Variants in CD14 observed in about 807,000 individuals in gnomAD.
CD14 encodes the protein CD14 molecule, also known as monocyte differentiation antigen CD14.
Under a neutral mutation model 2.5 loss-of-function variants are expected in CD14, and 4 were observed. That is an observed-to-expected ratio of 1.63 (90% confidence interval 0.80 to 3.72). The LOEUF (loss-of-function observed/expected upper bound fraction) is 3.72, where lower values mean the gene tolerates loss of function less well. Ranked by LOEUF, CD14 falls within the 30% of genes most tolerant of loss-of-function variation. CD14 has a pLI of 0.01. For missense variants in CD14, 478 were observed against 497.8 expected, an observed-to-expected ratio of 0.96 and a Z score of 0.38; for synonymous variants, 236 against 235.1, an observed-to-expected ratio of 1.00 and a Z score of -0.04.
In CD14 at chr5:140,631,898, C is replaced by T. The variant is rs1248736613; in HGVS notation, c.1086G>A (p.Ser362=). The T allele has an allele frequency of 6.3e-7, 1 of 1,592,046 alleles. No individual in the cohort carries two copies. The highest frequency in any genetic ancestry group is 1.7e-5 in the Admixed American group (1 of 59,018). ...CCCCTTGGAGCAGCACCAGGGTTCC[C>T]GACACCCCCACCGACAGGGTCGAAC... ...CARSTLSVGV[S]GTLVLLQGAR... is the part of the protein sequence containing the mutation. The change falls in exon 2 of 2, where the codon TCG becomes TCA. Residue 362 remains serine (S), a synonymous_variant. Coordinates refer to ENST00000302014, the MANE Select transcript of CD14 (RefSeq NM_000591.4).
In CD14 at chr5:140,631,734, T is replaced by C; in HGVS notation, c.*122A>G. 1 of 909,174 alleles carries C rather than the reference T, an allele frequency of 1.1e-6. No individual in the cohort carries two copies. Among genetic ancestry groups the C allele is most frequent in the Non-Finnish European group, 1.7e-6 (1 of 586,290 alleles). The allele number at this position is 909,174 out of a possible 1,614,324, so 56.3% of individuals were successfully genotyped here. On this transcript the variant is annotated 3_prime_UTR_variant, in exon 2 of 2. Transcript: ENST00000302014. The stretch of plus-strand genomic sequence containing the variant: ...CTGTTAAATGAATGACACGGACCCG[T>C]TGTTTAAGATTTTAATAAAGGTGGG...
rs746368784 is a variant in CD14, at chr5:140,632,167, T to C, written c.817A>G (p.Met273Val). The part of the protein sequence containing the change: ...ATVNPSAPRC[M>V]WSSALNSLNL... ...AGGGAGTTCAGGGCGCTGGACCACA[T>C]GCATCTCGGAGCGCTAGGGTTTACG... The change falls in exon 2 of 2, where the codon ATG (methionine) becomes GTG (valine). Residue 273 changes from methionine (M) to valine (V), a missense_variant. Physicochemically the swap from Met to Val is conservative, Grantham distance 21. Transcript: ENST00000302014. The surrounding 1 kb of genome is among the most constrained non-coding windows in gnomAD (Gnocchi z 6.2). 1.9e-6 allele frequency: 3 copies of C among 1,613,926 alleles called. No individual in the cohort carries two copies. The highest frequency in any genetic ancestry group is 2.2e-5 in the South Asian group (2 of 91,094).
upstream of CD14, chr5:140,633,177 A>C (rs142540319): frequency 2.2e-4 from 312 of 1,434,572 alleles, 2 homozygotes; most frequent in African/African-American, 3.6e-3. Flanking sequence ...CACACTTGTG[A>C]ACTCTTCGGC....
At position 140,632,744 on chromosome 5, in the gene CD14, C is replaced by T. The variant is rs1756643410; in HGVS notation, c.240G>A (p.Arg80=). The stretch of plus-strand genomic sequence containing the variant: ...GAGCCTTGACCGTGTCAGCATACTG[C>T]CGCGGGTCGGCGTCCGCATCGACGC... The part of the protein sequence containing the change: ...LKRVDADADP[R]QYADTVKALR... Residue 80 remains arginine (R), a synonymous_variant, in exon 2 of 2, where the codon CGG becomes CGA. Coordinates refer to ENST00000302014, the MANE Select transcript of CD14 (RefSeq NM_000591.4). This position sits in a 1 kb window ranked among gnomAD's most constrained non-coding sequence, Gnocchi z 6.2. 3.1e-6 allele frequency: 5 copies of T among 1,613,548 alleles called. No homozygotes were observed. Among genetic ancestry groups the T allele is most frequent in the Non-Finnish European group, 4.2e-6 (5 of 1,179,992 alleles).
Position 140,632,054 on chromosome 5 carries a change from G to A in CD14, c.930C>T (p.Asn310=). 1 of 1,614,212 alleles carries A rather than the reference G, an allele frequency of 6.2e-7. No homozygotes were observed. Among genetic ancestry groups the A allele is most frequent in the Non-Finnish European group, 8.5e-7 (1 of 1,180,042 alleles). Residue 310 remains asparagine (N), a synonymous_variant, in exon 2 of 2, where the codon AAC becomes AAT. Coordinates refer to ENST00000302014, the MANE Select transcript of CD14 (RefSeq NM_000591.4). The surrounding 1 kb of genome is among the most constrained non-coding windows in gnomAD (Gnocchi z 6.2). ...GCAGCTCGTCAGGCTGCGGCGCCCT[G>A]TTCAGTCTGTTGCAGCTGAGATCGA... ...RVLDLSCNRL[N]RAPQPDELPE... is the part of the protein sequence containing the mutation.
Position 140,631,851 on chromosome 5 carries a change from G to T in CD14, c.*5C>A. 6.5e-7 allele frequency: 1 copy of T among 1,543,656 alleles called. No homozygotes were observed. On this transcript the variant is annotated 3_prime_UTR_variant, in exon 2 of 2. Coordinates refer to ENST00000302014, the MANE Select transcript of CD14 (RefSeq NM_000591.4). ...TTGAGTCCATTCATTATTCTGTCTT[G>T]GATCTTAGGCAAAGCCCCGGGCCCC... is the stretch of plus-strand genomic sequence containing the variant.
Position 140,632,878 on chromosome 5 carries a change from A to T in CD14, c.106T>A (p.Cys36Ser). ...ELDDEDFRCV[C>S]NFSEPQPDWS... ...TCGGGCTGAGGTTCGGAGAAGTTGC[A>T]GACGCAGCGGAAATCTTCATCGTCC... Residue 36 changes from cysteine to serine, a missense_variant, in exon 2 of 2, where the codon TGC becomes AGC. Physicochemically the swap from Cys to Ser is moderately radical, Grantham distance 112. Transcript: ENST00000302014. The surrounding 1 kb of genome is among the most constrained non-coding windows in gnomAD (Gnocchi z 6.2). 3 of 1,614,184 alleles carry T rather than the reference A, an allele frequency of 1.9e-6. No individual in the cohort carries two copies. The highest frequency in any genetic ancestry group is 2.5e-6 in the Non-Finnish European group (3 of 1,180,034).
Position 140,632,422 on chromosome 5 carries a change from C to A in CD14, c.562G>T (p.Glu188Ter). The A allele has an allele frequency of 6.2e-7, 1 of 1,614,166 alleles. No homozygotes were observed. The highest frequency in any genetic ancestry group is 1.1e-5 in the South Asian group (1 of 91,086). ...AQAHSPAFSC[E>*]QVRAFPALTS... ...AGGGCCGGGAAGGCGCGAACCTGTTCGCAGGAAAAGGCAGGCGAGTGTGCT... is the reference window on the plus strand; with the variant it reads ...AGGGCCGGGAAGGCGCGAACCTGTTAGCAGGAAAAGGCAGGCGAGTGTGCT... The change falls in exon 2 of 2, where the codon GAA (glutamate) becomes TAA (stop). Residue 188 changes from glutamate to a stop codon, truncating the protein, a stop_gained. Coordinates refer to ENST00000302014, the MANE Select transcript of CD14 (RefSeq NM_000591.4). LOFTEE classifies it low-confidence loss of function (END_TRUNC). The surrounding 1 kb of genome is among the most constrained non-coding windows in gnomAD (Gnocchi z 6.2).
Position 140,632,281 on chromosome 5 carries a change from C to A in CD14, c.703G>T (p.Glu235Ter). The A allele has an allele frequency of 6.2e-7, 1 of 1,613,916 alleles. No individual in the cohort carries two copies. The highest frequency in any genetic ancestry group is 8.5e-7 in the Non-Finnish European group (1 of 1,180,036). ...GCGGCGCACACGCCTGTGGGCGTCT[C>A]CATTCCTGTGTTGCGCAGCGCTAGA... is the stretch of plus-strand genomic sequence containing the variant. The part of the protein sequence containing the change: ...QNLALRNTGM[E>*]TPTGVCAALA... The change falls in exon 2 of 2, where the codon GAG becomes TAG. Residue 235 changes from glutamate (E) to a stop codon, truncating the protein, a stop_gained. Coordinates refer to ENST00000302014, the MANE Select transcript of CD14 (RefSeq NM_000591.4). LOFTEE classifies it low-confidence loss of function (END_TRUNC). The surrounding 1 kb of genome is among the most constrained non-coding windows in gnomAD (Gnocchi z 6.2).
Position 140,632,936 on chromosome 5 carries a change from G to C in CD14, c.48C>G (p.His16Gln). 6.2e-7 allele frequency: 1 copy of C among 1,614,134 alleles called. No homozygotes were observed. The highest frequency in any genetic ancestry group is 8.5e-7 in the Non-Finnish European group (1 of 1,180,028). The change falls in exon 2 of 2, where the codon CAC (histidine) becomes CAG (glutamine). Residue 16 changes from histidine to glutamine, a missense_variant. Coordinates refer to ENST00000302014, the MANE Select transcript of CD14 (RefSeq NM_000591.4). The surrounding 1 kb of genome is among the most constrained non-coding windows in gnomAD (Gnocchi z 6.2). The stretch of plus-strand genomic sequence containing the variant: ...AAGGTTCTGGCGTGGTCGCAGAGAC[G>C]TGCACCAGCGGCAGCAGCAGCAGCA... ...CLLLLLLPLV[H>Q]VSATTPEPCE...
In CD14 at chr5:140,631,920, G is replaced by C. The variant is rs748409113; in HGVS notation, c.1064C>G (p.Ser355Trp). Residue 355 changes from serine to tryptophan, a missense_variant, in exon 2 of 2, where the codon TCG (serine) becomes TGG (tryptophan). Ser to Trp is a radical substitution (Grantham distance 177, BLOSUM62 -3). Transcript: ENST00000302014. ...NSGVVPACAR[S>W]TLSVGVSGTL... ...TCCCGACACCCCCACCGACAGGGTCGAACGTGCACAGGCTGGGACCACGCC... is the reference window on the plus strand; with the variant it reads ...TCCCGACACCCCCACCGACAGGGTCCAACGTGCACAGGCTGGGACCACGCC... The C allele has an allele frequency of 8.1e-6, 13 of 1,604,220 alleles. No homozygotes were observed. The East Asian group carries it at 2.7e-4, about 33-fold the overall frequency.
chr5:140,633,277 C>G (rs1438686541), upstream of CD14: 18 of 653,396 alleles, frequency 2.8e-5, no homozygotes, highest in East Asian at 4.6e-4. Flanking sequence ...TCCTCCGAGC[C>G]AGCCCCCTTC....
In CD14 at chr5:140,632,868, G is replaced by C. The variant is rs1260368078; in HGVS notation, c.116C>G (p.Ser39Cys). 1.9e-6 allele frequency: 3 copies of C among 1,614,170 alleles called. No individual in the cohort carries two copies. In the South Asian group the frequency reaches 3.3e-5, roughly 18 times the overall value. Reference protein sequence around the residue: ...DEDFRCVCNFSEPQPDWSEAF... With the variant: ...DEDFRCVCNFCEPQPDWSEAF... ...TTCGGACCAGTCGGGCTGAGGTTCGGAGAAGTTGCAGACGCAGCGGAAATC... is the reference window on the plus strand; with the variant it reads ...TTCGGACCAGTCGGGCTGAGGTTCGCAGAAGTTGCAGACGCAGCGGAAATC... Residue 39 changes from serine to cysteine, a missense_variant, in exon 2 of 2, where the codon TCC becomes TGC. Coordinates refer to ENST00000302014, the MANE Select transcript of CD14 (RefSeq NM_000591.4). This position sits in a 1 kb window ranked among gnomAD's most constrained non-coding sequence, Gnocchi z 6.2.
rs780181417 is a variant in CD14 at position 140,632,742 on chromosome 5, T to C, written c.242A>G (p.Gln81Arg). 3 of 1,613,604 alleles carry C rather than the reference T, an allele frequency of 1.9e-6. No individual in the cohort carries two copies. Among genetic ancestry groups the C allele is most frequent in the African/African-American group, 1.3e-5 (1 of 75,064 alleles). Residue 81 changes from glutamine to arginine, a missense_variant, in exon 2 of 2, where the codon CAG becomes CGG. Physicochemically the swap from Gln to Arg is conservative, Grantham distance 43. Coordinates refer to ENST00000302014, the MANE Select transcript of CD14 (RefSeq NM_000591.4). The surrounding 1 kb of genome is among the most constrained non-coding windows in gnomAD (Gnocchi z 6.2). The part of the protein sequence containing the change: ...KRVDADADPR[Q>R]YADTVKALRV... ...GAGAGCCTTGACCGTGTCAGCATAC[T>C]GCCGCGGGTCGGCGTCCGCATCGAC...
upstream of CD14, chr5:140,633,331 A>G (rs2569190): frequency 0.53 from 318,547 of 598,992 alleles, 86,070 homozygotes; most frequent in African/African-American, 0.67. Context: ...AGGGAGGGGG[A>G]CCGTAACAGG....
rs775212487 is a variant in CD14, at chr5:140,632,390, G to C, written c.594C>G (p.Ser198Arg). The C allele has an allele frequency of 1.9e-6, 3 of 1,614,162 alleles. No individual in the cohort carries two copies. In the South Asian group the frequency reaches 3.3e-5, roughly 18 times the overall value. Residue 198 changes from serine (S) to arginine (R), a missense_variant, in exon 2 of 2, where the codon AGC becomes AGG. Transcript: ENST00000302014. This position sits in a 1 kb window ranked among gnomAD's most constrained non-coding sequence, Gnocchi z 6.2. ...EQVRAFPALTSLDLSDNPGLG... is the reference protein window; with the variant it reads ...EQVRAFPALTRLDLSDNPGLG... ...GTCCAGGATTGTCAGACAGGTCTAG[G>C]CTGGTAAGGGCCGGGAAGGCGCGAA...
Position 140,632,189 on chromosome 5 carries a change from T to C in CD14, c.795A>G (p.Val265=). The stretch of plus-strand genomic sequence containing the variant: ...ACATGCATCTCGGAGCGCTAGGGTT[T>C]ACGGTGGCGCGCAGCGAGTTGTGGC... The part of the protein sequence containing the change: ...DLSHNSLRAT[V]NPSAPRCMWS... Residue 265 remains valine (V), a synonymous_variant, in exon 2 of 2, where the codon GTA becomes GTG. Coordinates refer to ENST00000302014, the MANE Select transcript of CD14 (RefSeq NM_000591.4). This position sits in a 1 kb window ranked among gnomAD's most constrained non-coding sequence, Gnocchi z 6.2. The C allele has an allele frequency of 6.2e-7, 1 of 1,613,716 alleles. No homozygotes were observed. Among genetic ancestry groups the C allele is most frequent in the Non-Finnish European group, 8.5e-7 (1 of 1,179,778 alleles).
At position 140,632,008 on chromosome 5, in the gene CD14, G is replaced by T; in HGVS notation, c.976C>A (p.Leu326Met). 6.2e-7 allele frequency: 1 copy of T among 1,614,198 alleles called. No individual in the cohort carries two copies. The highest frequency in any genetic ancestry group is 8.5e-7 in the Non-Finnish European group (1 of 1,180,014). Residue 326 changes from leucine (L) to methionine (M), a missense_variant, in exon 2 of 2, where the codon CTG becomes ATG. Coordinates refer to ENST00000302014, the MANE Select transcript of CD14 (RefSeq NM_000591.4). This position sits in a 1 kb window ranked among gnomAD's most constrained non-coding sequence, Gnocchi z 6.2. Reference sequence around the variant, plus strand: ...GGGACCAGGAAGGGATTCCCGTCCAGTGTCAGGTTATCCACCTCGGGCAGC... The same window carrying T: ...GGGACCAGGAAGGGATTCCCGTCCATTGTCAGGTTATCCACCTCGGGCAGC... ...DELPEVDNLT[L>M]DGNPFLVPGT... is the part of the protein sequence containing the mutation.
In CD14 at chr5:140,632,512, G is replaced by A. The variant is rs933436490; in HGVS notation, c.472C>T (p.Arg158Cys). 1 of 1,614,126 alleles carries A rather than the reference G, an allele frequency of 6.2e-7. No homozygotes were observed. The highest frequency in any genetic ancestry group is 8.5e-7 in the Non-Finnish European group (1 of 1,180,046). ...RLRNVSWATG[R>C]SWLAELQQWL... is the part of the protein sequence containing the mutation. The stretch of plus-strand genomic sequence containing the variant: ...TGCTGCAGCTCGGCGAGCCAAGAAC[G>A]CCCTGTCGCCCACGACACGTTGCGT... The change falls in exon 2 of 2, where the codon CGT (arginine) becomes TGT (cysteine). Residue 158 changes from arginine (R) to cysteine (C), a missense_variant. Arg to Cys is a radical substitution (Grantham distance 180). Transcript: ENST00000302014. This position sits in a 1 kb window ranked among gnomAD's most constrained non-coding sequence, Gnocchi z 6.2.
Sources: gnomAD v4.1 joint callset for allele counts on GRCh38, gnomAD v4.1.1 for gene constraint, Gnocchi (gnomAD v3.1) non-coding constraint, MANE v1.5 for transcripts, NCBI Gene and HGNC (gene_info 2026-07-23, HGNC 2026-07-21) for gene names.